MPPED1: variants seen among roughly 807,000 people sequenced by gnomAD.
The protein encoded by MPPED1 is metallophosphoesterase domain containing 1, also known as metallophosphoesterase domain-containing protein 1.
MPPED1 carries 16 observed loss-of-function variants against 36.2 expected under a neutral mutation model. The ratio of observed to expected loss-of-function variants is 0.44; its 90% CI spans 0.30 to 0.67. The LOEUF (loss-of-function observed/expected upper bound fraction) is 0.67. Among genes scored for constraint, MPPED1 ranks in the 30% least tolerant of loss-of-function variants. The pLI is 0.10. For missense variants in MPPED1, 307 were observed against 453.4 expected (o/e 0.68, Z 2.93); for synonymous variants, 199 against 191.3 (o/e 1.04, Z -0.33).
Position 43,505,486 on chromosome 22 carries a change from C to A in MPPED1, c.863-12C>A. The A allele has an allele frequency of 1.3e-6, 2 of 1,597,744 alleles. No individual in the cohort carries two copies. Among genetic ancestry groups the A allele is most frequent in the East Asian group, 2.3e-5 (1 of 44,188 alleles). ...TGGCTGCTGGCCTGATGGGCATGTG[C>A]TTACTTTCCAGGGTATGGTGTCATG... is the stretch of plus-strand genomic sequence containing the variant. On this transcript the variant is annotated splice_polypyrimidine_tract_variant and intron_variant, in intron 6 of 6. Transcript: ENST00000443721.
chr22:43,468,405 T>C (rs2146877442), intron 3 of MPPED1, among the ~76,000 whole-genome samples: 1 of 152,290 alleles, frequency 6.6e-6, no homozygotes, highest in African/African-American at 2.4e-5. Context: ...AGTTTCAGGG[T>C]TTGACCGGTG....
At chr22:43,470,533 C>T (rs1270098508) in intron 3 of MPPED1, among the ~76,000 whole-genome samples, 1 of 152,224 alleles carries the variant, frequency 6.6e-6, no homozygotes, top group Admixed American at 6.5e-5. Context: ...ATGCATGCAT[C>T]CATCTATCCA....
At chr22:43,481,687 G>C (rs1039131127) in intron 4 of MPPED1, among the ~76,000 whole-genome samples, 2 of 151,990 alleles carry the variant, frequency 1.3e-5, no homozygotes, top group Admixed American at 6.6e-5. Flanking sequence ...TTCCTCTTCC[G>C]TGCTGCTCTC....
In MPPED1 at chr22:43,471,856, C is replaced by A. The variant is rs373891925; in HGVS notation, c.407-2880C>A. Among the ~76,000 whole-genome samples, 7 of 152,298 alleles carry A rather than the reference C, an allele frequency of 4.6e-5. No homozygotes were observed. The East Asian group carries it at 1.4e-3, about 29-fold the overall frequency. On this transcript the variant is annotated intron_variant, in intron 3 of 6. Coordinates refer to ENST00000443721, the MANE Select transcript of MPPED1 (RefSeq NM_001044370.2). ...TGAGCACAGCAAGCAGAGTTCCCAG[C>A]GTCCATCAGGGTGGGCTCTGATGTA...
At chr22:43,456,496 G>GT (rs1930759139) in intron 3 of MPPED1, among the ~76,000 whole-genome samples, 2 of 152,208 alleles carry the variant, frequency 1.3e-5, no homozygotes, top group Non-Finnish European at 2.9e-5. Flanking sequence ...TTTGTTACGT[G>GT]TTTTTTGTTT....
chr22:43,470,616 G>C (rs115515176), intron 3 of MPPED1, among the ~76,000 whole-genome samples: 143 of 152,294 alleles, frequency 9.4e-4, no homozygotes, highest in Middle Eastern at 3.4e-3. Context: ...ACTGAGAGGC[G>C]GGGTAGCATG....
At chr22:43,450,582 C>T (rs1355470156) in intron 3 of MPPED1, among the ~76,000 whole-genome samples, 6 of 152,178 alleles carry the variant, frequency 3.9e-5, no homozygotes. Flanking sequence ...TTCAGTGAGG[C>T]AGCGGGTGAT....
At chr22:43,504,356 CAA>C (rs1932772951) in intron 6 of MPPED1, among the ~76,000 whole-genome samples, 1 of 151,448 alleles carries the variant, frequency 6.6e-6, no homozygotes, top group South Asian at 2.1e-4. Flanking sequence ...TCAATGATGA[CAA>C]TGATGATGAT....
At chr22:43,492,019 T>A (rs374234665) in intron 4 of MPPED1, among the ~76,000 whole-genome samples, 2 of 150,534 alleles carry the variant, frequency 1.3e-5, no homozygotes, top group South Asian at 4.2e-4. Context: ...ATGATGTTGG[T>A]GATGATGGAG....
At chr22:43,492,993 C>T (rs1302803891) in intron 4 of MPPED1, among the ~76,000 whole-genome samples, 3 of 152,194 alleles carry the variant, frequency 2.0e-5, no homozygotes, top group Admixed American at 6.5e-5. Context: ...CTCTCACCCA[C>T]CATCATTCGT....
Position 43,435,215 on chromosome 22 carries a change from G to C in MPPED1, c.406G>C (p.Gly136Arg). 1 of 1,605,784 alleles carries C rather than the reference G, an allele frequency of 6.2e-7. No homozygotes were observed. The change falls in exon 3 of 7, where the codon GGC (glycine) becomes CGC (arginine). Residue 136 changes from glycine (G) to arginine (R), a missense_variant and splice_region_variant. By Grantham distance (125) the Gly-to-Arg change is moderately radical. This residue lies in a region of MPPED1 where 169 missense variants were observed against 212.3 expected (regional missense o/e 0.80). Coordinates refer to ENST00000443721, the MANE Select transcript of MPPED1 (RefSeq NM_001044370.2). ...SEVKKFNEWL[G>R]SLPYEYKIVI... Reference sequence around the variant, plus strand: ...GGTGAAGAAGTTCAACGAGTGGCTGGGTAGGTCCCTCCTGCCCCGGGCGGG... The same window carrying C: ...GGTGAAGAAGTTCAACGAGTGGCTGCGTAGGTCCCTCCTGCCCCGGGCGGG...
At chr22:43,416,242 C>T (rs1409292744) in intron 1 of MPPED1, among the ~76,000 whole-genome samples, 2 of 152,184 alleles carry the variant, frequency 1.3e-5, no homozygotes, top group East Asian at 1.9e-4. Flanking sequence ...CATTCAGGCA[C>T]GTTAGTTAAT....
chr22:43,479,568 G>A (rs548968243), intron 4 of MPPED1, among the ~76,000 whole-genome samples: 29 of 152,332 alleles, frequency 1.9e-4, no homozygotes, highest in South Asian at 1.2e-3. Flanking sequence ...TGCCCATCAC[G>A]AGGGGCATGC....
intron 4 of MPPED1, among the ~76,000 whole-genome samples, chr22:43,489,520 G>A (rs1476146461): frequency 6.7e-6 from 1 of 148,678 alleles, no homozygotes; most frequent in Non-Finnish European, 1.5e-5. Context: ...CCTGTCCCCT[G>A]ACATTTTTTT....
intron 4 of MPPED1, among the ~76,000 whole-genome samples, chr22:43,495,480 T>G (rs1932251153): frequency 2.1e-5 from 1 of 48,708 alleles, no homozygotes; most frequent in East Asian, 6.9e-4. Flanking sequence ...ATGGTGGAGG[T>G]GGTGGTGGAG....
chr22:43,436,852 C>T (rs1929979300), intron 3 of MPPED1, among the ~76,000 whole-genome samples: 1 of 152,260 alleles, frequency 6.6e-6, no homozygotes, highest in South Asian at 2.1e-4. Flanking sequence ...AGGTGGCTAC[C>T]ATTTGCGTCC....
intron 3 of MPPED1, among the ~76,000 whole-genome samples, chr22:43,469,312 A>G (rs1931282652): frequency 6.6e-6 from 1 of 152,162 alleles, no homozygotes; most frequent in Non-Finnish European, 1.5e-5. Flanking sequence ...GTTTGTATTC[A>G]TTTAATTTTT....
chr22:43,492,413 G>C (rs1275392804), intron 4 of MPPED1, among the ~76,000 whole-genome samples: 2 of 152,088 alleles, frequency 1.3e-5, no homozygotes, highest in Non-Finnish European at 2.9e-5. Flanking sequence ...ATGTGTCTGA[G>C]GGAGACGGTG....
chr22:43,492,554 G>A (rs1932136835), intron 4 of MPPED1, among the ~76,000 whole-genome samples: 1 of 152,090 alleles, frequency 6.6e-6, no homozygotes, highest in African/African-American at 2.4e-5. Context: ...CCCATACTGG[G>A]GGTGCAGGCA....
Sources: allele counts gnomAD v4.1 joint callset (sites outside exome capture counted in the v4.1 genomes callset), GRCh38; gene constraint gnomAD v4.1.1; regional missense constraint gnomAD v4.1.1; transcripts MANE v1.5; gene names NCBI Gene and HGNC (gene_info 2026-07-23, HGNC 2026-07-21).